The following AGBL4 variants were observed in gnomAD, a reference collection of about 807,000 sequenced individuals.
AGBL4 encodes the protein cytosolic carboxypeptidase 6.
In AGBL4, 58 loss-of-function variants were observed where a neutral mutation model predicts 66.4. That is an observed-to-expected ratio of 0.87 (90% CI 0.71 to 1.09). AGBL4 has a LOEUF of 1.09. Ranked by LOEUF, AGBL4 falls within the 50% of genes least tolerant of loss-of-function variation. AGBL4 has a pLI of 0.00. For missense variants in AGBL4, 579 were observed against 631.0 expected (o/e 0.92, Z 0.88); for synonymous variants, 234 against 222.9 (o/e 1.05, Z -0.44).
At position 49,903,351 on chromosome 1, in the gene AGBL4, G is replaced by C. The variant is rs541045398; in HGVS notation, c.35-51833C>G. On this transcript the variant is annotated intron_variant, in intron 1 of 13. Coordinates refer to ENST00000371839, the MANE Select transcript of AGBL4 (RefSeq NM_032785.4). ...GAACAATAGACACCAGAGCCCACTT[G>C]AGGGTGGAGGGTAGGAGGAGGGAGA... Among the ~76,000 whole-genome samples the C allele has an allele frequency of 2.6e-5, 4 of 152,220 alleles. No individual in the cohort carries two copies. The South Asian group carries it at 6.2e-4, about 24-fold the overall frequency.
intron 3 of AGBL4, among the ~76,000 whole-genome samples, chr1:49,395,368 A>G (rs1644935986): frequency 1.3e-5 from 2 of 152,094 alleles, no homozygotes; most frequent in East Asian, 3.9e-4. Flanking sequence ...TGCCTGGAAC[A>G]TGGCAGGTAT....
chr1:49,666,349 G>A (rs190736230), intron 3 of AGBL4, among the ~76,000 whole-genome samples: 3 of 152,092 alleles, frequency 2.0e-5, no homozygotes. Flanking sequence ...TGGATCATTT[G>A]AGGTCAGGTG....
chr1:49,290,552 G>C (rs77332026), intron 3 of AGBL4, among the ~76,000 whole-genome samples: 4,185 of 152,248 alleles, frequency 0.027, 165 homozygotes, highest in African/African-American at 0.095. Flanking sequence ...TATTAAGAAG[G>C]GGAAAGGATT....
chr1:50,023,080 T>C (rs990496870), intron 1 of AGBL4, among the ~76,000 whole-genome samples: 2 of 151,802 alleles, frequency 1.3e-5, no homozygotes, highest in Non-Finnish European at 2.9e-5. Flanking sequence ...TTCAAGATCA[T>C]TGAACCCACA....
chr1:49,500,636 G>C (rs1047613193), intron 3 of AGBL4, among the ~76,000 whole-genome samples: 1 of 151,988 alleles, frequency 6.6e-6, no homozygotes, highest in African/African-American at 2.4e-5. Context: ...TGAATAGAAT[G>C]TCCTTTCCCC....
chr1:49,254,371 C>A (rs1652309290), intron 3 of AGBL4, among the ~76,000 whole-genome samples: 1 of 152,020 alleles, frequency 6.6e-6, no homozygotes, highest in African/African-American at 2.4e-5. Context: ...TACCACAAAA[C>A]AGTCAATCCA....
At chr1:49,123,675 T>C (rs1207029310) in intron 4 of AGBL4, among the ~76,000 whole-genome samples, 4 of 152,194 alleles carry the variant, frequency 2.6e-5, no homozygotes, top group Non-Finnish European at 5.9e-5. Context: ...TAATAAACTC[T>C]ACTCCTTATA....
At chr1:49,179,671 T>C (rs1325258708) in intron 4 of AGBL4, among the ~76,000 whole-genome samples, 2 of 151,782 alleles carry the variant, frequency 1.3e-5, no homozygotes, top group Non-Finnish European at 2.9e-5. Flanking sequence ...CAATACTAGA[T>C]AGACTATTAA....
intron 6 of AGBL4, among the ~76,000 whole-genome samples, chr1:48,748,929 G>A (rs1651211886): frequency 2.0e-5 from 3 of 152,068 alleles, no homozygotes; most frequent in African/African-American, 7.2e-5. Flanking sequence ...ATGAATCCTG[G>A]ATTAGGTGAG....
At chr1:49,357,914 T>TGAATTCACGA (rs1644053490) in intron 3 of AGBL4, among the ~76,000 whole-genome samples, 1 of 152,170 alleles carries the variant, frequency 6.6e-6, no homozygotes, top group African/African-American at 2.4e-5. Context: ...ACTTCGTTCC[T>TGAATTCACGA]TGTCTGAATT....
At chr1:48,682,895 C>A (rs939770445) in intron 6 of AGBL4, among the ~76,000 whole-genome samples, 1 of 152,034 alleles carries the variant, frequency 6.6e-6, no homozygotes, top group African/African-American at 2.4e-5. Flanking sequence ...GGTGGGAAAC[C>A]CAGTGAGATA....
At chr1:48,721,027 A>T (rs1332340148) in intron 6 of AGBL4, among the ~76,000 whole-genome samples, 1 of 151,408 alleles carries the variant, frequency 6.6e-6, no homozygotes, top group Non-Finnish European at 1.5e-5. Context: ...AGAGCCCCAG[A>T]CTGAGCAGGG....
At chr1:49,279,822 G>T (rs1235963078) in intron 3 of AGBL4, among the ~76,000 whole-genome samples, 1 of 152,110 alleles carries the variant, frequency 6.6e-6, no homozygotes, top group Non-Finnish European at 1.5e-5. Flanking sequence ...TAACCTTGGG[G>T]GACATTTAGT....
At chr1:49,253,236 A>G (rs1004018509) in intron 3 of AGBL4, among the ~76,000 whole-genome samples, 5 of 152,202 alleles carry the variant, frequency 3.3e-5, no homozygotes, top group Non-Finnish European at 1.5e-5. Context: ...CAAAAAACAG[A>G]AAAAAGCAAA....
In AGBL4 at chr1:48,788,598, A is replaced by T. The variant is rs535871105; in HGVS notation, c.634+78593T>A. ...TGAAACACAGTGTTCTCAATCATAA[A>T]AAAGGATGAACTATGTTATGCCTTT... is the stretch of plus-strand genomic sequence containing the variant. On this transcript the variant is annotated intron_variant, in intron 6 of 13. Coordinates refer to ENST00000371839, the MANE Select transcript of AGBL4 (RefSeq NM_032785.4). Among the ~76,000 whole-genome samples, 3 of 152,312 alleles carry T rather than the reference A, an allele frequency of 2.0e-5. No homozygotes were observed. The East Asian group carries it at 5.8e-4, about 29-fold the overall frequency.
intron 1 of AGBL4, among the ~76,000 whole-genome samples, chr1:49,983,257 C>T (rs1659219996): frequency 6.6e-6 from 1 of 152,256 alleles, no homozygotes. Context: ...CTGTGACACC[C>T]TCTTTGGGGC....
At chr1:48,556,496 A>G (rs2148291191) in intron 11 of AGBL4, among the ~76,000 whole-genome samples, 1 of 152,364 alleles carries the variant, frequency 6.6e-6, no homozygotes, top group Non-Finnish European at 1.5e-5. Flanking sequence ...CATGGGCAAC[A>G]GGATTTCTTA....
chr1:48,750,226 C>G (rs1651469891), intron 6 of AGBL4, among the ~76,000 whole-genome samples: 1 of 152,144 alleles, frequency 6.6e-6, no homozygotes. Flanking sequence ...CACCCCAGCC[C>G]ACTCCAATGG....
rs997808458 is a variant in AGBL4 at position 49,771,304 on chromosome 1, G to A, written c.158-73867C>T. On this transcript the variant is annotated intron_variant, in intron 2 of 13. Transcript: ENST00000371839. ...TGTTTAATTTCCATGTATTTGAAAG[G>A]TTTTCAATGGTTTTCTTGTTGATTT... 1.1e-4 allele frequency among the ~76,000 whole-genome samples: 17 copies of A among 152,144 alleles called. 1 individual carries two copies. In the South Asian group the frequency reaches 3.1e-3, roughly 28 times the overall value.
Sources: allele counts gnomAD v4.1 joint callset (sites outside exome capture counted in the v4.1 genomes callset), GRCh38; gene constraint gnomAD v4.1.1; transcripts MANE v1.5; gene names NCBI Gene and HGNC (gene_info 2026-07-23, HGNC 2026-07-21).